Variants in ELMOD1 observed in about 807,000 individuals in gnomAD.
The protein encoded by ELMOD1 is ELMO domain containing 1, also known as ELMO domain-containing protein 1.
In ELMOD1, 21 loss-of-function variants were observed where a neutral mutation model predicts 46.7. The observed-to-expected ratio is 0.45, with a 90% CI of 0.32 to 0.65. ELMOD1 has a LOEUF of 0.65. ELMOD1 is among the 30% of genes least tolerant of loss of function. The pLI is 0.04. For missense variants in ELMOD1, 348 were observed against 407.8 expected, an observed-to-expected ratio of 0.85 and a Z score of 1.26; for synonymous variants, 122 against 138.2, an observed-to-expected ratio of 0.88 and a Z score of 0.82.
In ELMOD1 at chr11:107,633,808, T is replaced by C. The variant is rs190735047; in HGVS notation, c.291-1828T>C. 4.0e-3 allele frequency among the ~76,000 whole-genome samples: 612 copies of C among 152,260 alleles called. 3 individuals carry two copies. Among genetic ancestry groups the C allele is most frequent in the Non-Finnish European group, 4.5e-3 (304 of 68,008 alleles). On this transcript the variant is annotated intron_variant, in intron 5 of 11. Transcript: ENST00000265840. ...CTCCTCTTTCCCTCAAAATTAACGC[T>C]ATTCTCCATACTACATGGACTTTCT...
At chr11:107,652,448 G>C (rs1029283972) in intron 9 of ELMOD1, among the ~76,000 whole-genome samples, 1 of 152,204 alleles carries the variant, frequency 6.6e-6, no homozygotes, top group African/African-American at 2.4e-5. Flanking sequence ...AATGCCATCT[G>C]TTTGGGCCAG....
intron 7 of ELMOD1, among the ~76,000 whole-genome samples, chr11:107,649,383 T>C (rs1866485983): frequency 6.6e-6 from 1 of 152,080 alleles, no homozygotes; most frequent in Non-Finnish European, 1.5e-5. Flanking sequence ...AATTGAAAAC[T>C]TCAGTAAGAT....
intron 5 of ELMOD1, among the ~76,000 whole-genome samples, chr11:107,633,229 T>G (rs1866171363): frequency 6.6e-6 from 1 of 151,888 alleles, no homozygotes; most frequent in African/African-American, 2.4e-5. Flanking sequence ...TTCTAGTGCC[T>G]TTTTTACAGA....
In ELMOD1 at chr11:107,665,221, T is replaced by C. The variant is rs1170053557; in HGVS notation, c.*24T>C. 4 of 1,611,142 alleles carry C rather than the reference T, an allele frequency of 2.5e-6. No individual in the cohort carries two copies. The highest frequency in any genetic ancestry group is 3.4e-6 in the Non-Finnish European group (4 of 1,178,172). ...AGTTGCCCACGCCGGTTTTAATGGA[T>C]ACCCTGGAACACTGCCTCATTGTCT... On this transcript the variant is annotated 3_prime_UTR_variant, in exon 12 of 12. Transcript: ENST00000265840.
chr11:107,634,651 G>A lies in ELMOD1; in HGVS notation c.291-985G>A, dbSNP rs1282166462. Among the ~76,000 whole-genome samples the A allele has an allele frequency of 2.6e-5, 4 of 152,166 alleles. No individual in the cohort carries two copies. The South Asian group carries it at 6.2e-4, about 24-fold the overall frequency. On this transcript the variant is annotated intron_variant, in intron 5 of 11. Coordinates refer to ENST00000265840, the MANE Select transcript of ELMOD1 (RefSeq NM_018712.4). Reference sequence around the variant, plus strand: ...AGCTATTCGGGAGGCTAGGGCAGGAGAATCACTAGAAATCAGGAGGCGGAG... The same window carrying A: ...AGCTATTCGGGAGGCTAGGGCAGGAAAATCACTAGAAATCAGGAGGCGGAG...
At chr11:107,628,039 T>G (rs1866072068) in intron 2 of ELMOD1, among the ~76,000 whole-genome samples, 1 of 152,068 alleles carries the variant, frequency 6.6e-6, no homozygotes, top group Non-Finnish European at 1.5e-5. Context: ...CAGTAATTAA[T>G]ATCATTACCA....
chr11:107,599,740 C>CAAAAAAAAAAA (rs56992146), intron 1 of ELMOD1, among the ~76,000 whole-genome samples: 5 of 91,216 alleles, frequency 5.5e-5, no homozygotes, highest in African/African-American at 1.3e-4. Flanking sequence ...AGACCTGTCT[C>CAAAAAAAAAAA]AAAAAAAAAA....
intron 2 of ELMOD1, among the ~76,000 whole-genome samples, chr11:107,626,945 G>T (rs959782758): frequency 6.6e-6 from 1 of 152,112 alleles, no homozygotes; most frequent in African/African-American, 2.4e-5. Flanking sequence ...TGAGGAGTTG[G>T]TCCTTTTATA....
intron 1 of ELMOD1, chr11:107,591,734 G>C (rs1565364611): frequency 7.6e-6 from 3 of 394,448 alleles, no homozygotes; most frequent in Non-Finnish European, 1.6e-5. Flanking sequence ...AGGGCTCGGG[G>C]AAGGGATCCC....
chr11:107,659,891 A>G (rs1042190813), intron 11 of ELMOD1, among the ~76,000 whole-genome samples: 1 of 152,154 alleles, frequency 6.6e-6, no homozygotes, highest in Admixed American at 6.5e-5. Context: ...GTGAAACTCC[A>G]TCTCTACAAA....
At position 107,630,688 on chromosome 11, in the gene ELMOD1, C is replaced by T. The variant is rs1269051380; in HGVS notation, c.164-12C>T. 1 of 1,607,946 alleles carries T rather than the reference C, an allele frequency of 6.2e-7. No homozygotes were observed. The highest frequency in any genetic ancestry group is 8.5e-7 in the Non-Finnish European group (1 of 1,177,046). ...AATCTTTGAATGACTGTTTTTGTTG[C>T]TGCTTTCACAGAAACATCACTGAGG... On this transcript the variant is annotated splice_polypyrimidine_tract_variant and intron_variant, in intron 3 of 11. Coordinates refer to ENST00000265840, the MANE Select transcript of ELMOD1 (RefSeq NM_018712.4).
chr11:107,603,841 G>A (rs1217960160), intron 1 of ELMOD1, among the ~76,000 whole-genome samples: 4 of 150,702 alleles, frequency 2.7e-5, no homozygotes, highest in Admixed American at 2.0e-4. Context: ...TTGCACCACT[G>A]CACTCCAGCC....
rs200598210 is a variant in ELMOD1, at chr11:107,631,639, C to T, written c.252C>T (p.Ile84=). 3.8e-5 allele frequency: 59 copies of T among 1,560,436 alleles called. No homozygotes were observed. The African/African-American group carries it at 7.9e-4, about 21-fold the overall frequency. Residue 84 remains isoleucine (I), a synonymous_variant, in exon 5 of 12, where the codon ATC becomes ATT. Coordinates refer to ENST00000265840, the MANE Select transcript of ELMOD1 (RefSeq NM_018712.4). The part of the protein sequence containing the change: ...PDAIEKTIED[I]MELKKINPDV... Reference sequence around the variant, plus strand: ...CTATTGAAAAAACTATAGAAGATATCATGGAACTGAAAAAAATTAATCCTG... The same window carrying T: ...CTATTGAAAAAACTATAGAAGATATTATGGAACTGAAAAAAATTAATCCTG...
intron 4 of ELMOD1, 97 bp from the exon 5 acceptor site, chr11:107,631,483 A>C (rs1299717921): frequency 2.2e-6 from 1 of 451,572 alleles, no homozygotes; most frequent in African/African-American, 2.1e-5. Flanking sequence ...GTCTTCATAT[A>C]GAAGCTTAAG....
intron 7 of ELMOD1, among the ~76,000 whole-genome samples, chr11:107,648,755 T>C (rs1866475804): frequency 1.5e-5 from 1 of 65,858 alleles, no homozygotes; most frequent in Admixed American, 2.2e-4. Flanking sequence ...GGTTCCCTTG[T>C]TAGTGTCAAT....
In ELMOD1 at chr11:107,652,904, G is replaced by A. The variant is rs377612939; in HGVS notation, c.648-1268G>A. ...TAATAAAATCTTTGCTGTGTGTTCT[G>A]GAGAACTCTCCTTTCTTCTAGTTAG... On this transcript the variant is annotated intron_variant, in intron 9 of 11. Coordinates refer to ENST00000265840, the MANE Select transcript of ELMOD1 (RefSeq NM_018712.4). Among the ~76,000 whole-genome samples, 9 of 152,198 alleles carry A rather than the reference G, an allele frequency of 5.9e-5. No homozygotes were observed. In the East Asian group the frequency reaches 1.5e-3, roughly 26 times the overall value.
At chr11:107,656,611 T>C (rs1545826) in intron 11 of ELMOD1, among the ~76,000 whole-genome samples, 36,454 of 151,656 alleles carry the variant, frequency 0.24, 8,861 homozygotes, top group African/African-American at 0.62. Flanking sequence ...TTCTGATTTT[T>C]TTGTTTTCTC....
At chr11:107,626,104 G>A (rs938582910) in intron 2 of ELMOD1, among the ~76,000 whole-genome samples, 1 of 152,154 alleles carries the variant, frequency 6.6e-6, no homozygotes, top group Non-Finnish European at 1.5e-5. Context: ...ATTTTTAGTA[G>A]TGAGTCAAGA....
chr11:107,647,495 C>G lies in ELMOD1; in HGVS notation c.448C>G (p.Pro150Ala), dbSNP rs1393232068. The change falls in exon 7 of 12, where the codon CCA becomes GCA. Residue 150 changes from proline (P) to alanine (A), a missense_variant. By Grantham distance (27) the Pro-to-Ala change is conservative (BLOSUM62 -1). Coordinates refer to ENST00000265840, the MANE Select transcript of ELMOD1 (RefSeq NM_018712.4). ...KLWKFLKPNTPLESRISKQWC... is the reference protein window; with the variant it reads ...KLWKFLKPNTALESRISKQWC... ...ATGGAAATTCTTGAAGCCCAATACT[C>G]CACTGGAATCTCGGATTTCTAAGCA... 1 of 1,613,172 alleles carries G rather than the reference C, an allele frequency of 6.2e-7. No individual in the cohort carries two copies.
Sources: gnomAD v4.1 joint callset for allele counts (sites outside exome capture counted in the v4.1 genomes callset) on GRCh38, gnomAD v4.1.1 for gene constraint, MANE v1.5 for transcripts, NCBI Gene and HGNC (gene_info 2026-07-23, HGNC 2026-07-21) for gene names.